MCCC2: variants seen among roughly 807,000 people sequenced by gnomAD.
MCCC2 encodes methylcrotonyl-CoA carboxylase subunit 2, also known as methylcrotonoyl-CoA carboxylase beta chain, mitochondrial.
A neutral mutation model predicts 77.2 loss-of-function variants in MCCC2; 52 were observed. That is an observed-to-expected ratio of 0.67 (90% confidence interval 0.54 to 0.85). The LOEUF (loss-of-function observed/expected upper bound fraction) is 0.85, where lower values mean the gene tolerates loss of function less well. Ranked by LOEUF, MCCC2 falls within the 40% of genes least tolerant of loss-of-function variation. The probability of loss-of-function intolerance (pLI) is 0.00; values close to 1 mark genes in which losing one functional copy is unlikely to be tolerated. For missense variants in MCCC2, 682 were observed against 703.2 expected, an observed-to-expected ratio of 0.97 and a Z score of 0.34; for synonymous variants, 253 against 248.4, an observed-to-expected ratio of 1.02 and a Z score of -0.18.
intron 2 of MCCC2, among the ~76,000 whole-genome samples, chr5:71,593,279 A>G (rs911296392): frequency 7.9e-5 from 12 of 151,970 alleles, no homozygotes; most frequent in Non-Finnish European, 1.6e-4. Context: ...AAATAGAGAC[A>G]AGGTTTCACC....
rs1236685383 is a variant in MCCC2 at position 71,634,597 on chromosome 5, A to G, written c.804-346A>G. On this transcript the variant is annotated intron_variant, in intron 8 of 16. Coordinates refer to ENST00000340941, the MANE Select transcript of MCCC2 (RefSeq NM_022132.5). The stretch of plus-strand genomic sequence containing the variant: ...TCTGCTTACGGTACAGGGGATGAGT[A>G]CTTAATAGAAGCCTTTGTCAGCAAG... Among the ~76,000 whole-genome samples, 10 of 152,224 alleles carry G rather than the reference A, an allele frequency of 6.6e-5. 1 individual carries two copies. Among genetic ancestry groups the G allele is most frequent in the Admixed American group, 6.5e-4 (10 of 15,282 alleles).
intron 12 of MCCC2, among the ~76,000 whole-genome samples, chr5:71,645,543 A>T (rs1261240626): frequency 6.6e-6 from 1 of 152,226 alleles, no homozygotes; most frequent in African/African-American, 2.4e-5. Flanking sequence ...TATAATCCTG[A>T]TGCATTAAAG....
At chr5:71,648,330 A>G (rs987247101) in intron 13 of MCCC2, among the ~76,000 whole-genome samples, 6 of 152,210 alleles carry the variant, frequency 3.9e-5, no homozygotes, top group Admixed American at 3.9e-4. Flanking sequence ...TAAGGCAGAG[A>G]AAGAGGAACC....
intron 7 of MCCC2, among the ~76,000 whole-genome samples, chr5:71,629,735 CATT>C (rs3066461): frequency 0.011 from 1,649 of 147,952 alleles, 26 homozygotes; most frequent in African/African-American, 0.038. Context: ...AGCCTGCAGC[CATT>C]ATTATTATTA....
intron 1 of MCCC2, among the ~76,000 whole-genome samples, chr5:71,589,953 T>C (rs1184612761): frequency 6.6e-6 from 1 of 152,192 alleles, no homozygotes; most frequent in Non-Finnish European, 1.5e-5. Context: ...CTCACCCAGC[T>C]CTACCTAGGT....
At chr5:71,633,118 TATATATATATATATTTTTA>T (rs1561841349) in intron 8 of MCCC2, among the ~76,000 whole-genome samples, 5 of 113,562 alleles carry the variant, frequency 4.4e-5, no homozygotes, top group African/African-American at 1.6e-4. Flanking sequence ...TATATATATA[TATATATATATATATTTTTA>T]TTTTTTGTAG....
At chr5:71,649,048 G>T (rs143245525) in intron 13 of MCCC2, 49 bp from the exon 14 acceptor site, 1 of 1,603,130 alleles carries the variant, frequency 6.2e-7, no homozygotes, top group East Asian at 2.2e-5. Flanking sequence ...ATTGCGTTCC[G>T]CATATTAATC....
chr5:71,615,650 C>T (rs904499637), intron 6 of MCCC2, among the ~76,000 whole-genome samples: 1 of 152,082 alleles, frequency 6.6e-6, no homozygotes, highest in African/African-American at 2.4e-5. Context: ...AGGAACAGAG[C>T]TCCTAAAATC....
At chr5:71,596,127 T>TTGTA (rs1745177042) in intron 2 of MCCC2, 153 bp from the exon 3 acceptor site, 1 of 712,776 alleles carries the variant, frequency 1.4e-6, no homozygotes, top group African/African-American at 1.8e-5. Flanking sequence ...AATTGGCAAC[T>TTGTA]TGTAAGTTGA....
chr5:71,635,157 A>G lies in MCCC2; in HGVS notation c.910A>G (p.Ile304Val), dbSNP rs751728924. The G allele has an allele frequency of 1.2e-6, 2 of 1,614,048 alleles. No homozygotes were observed. The highest frequency in any genetic ancestry group is 1.3e-5 in the African/African-American group (1 of 74,948). Residue 304 changes from isoleucine (I) to valine (V), a missense_variant, in exon 10 of 17, where the codon ATT (isoleucine) becomes GTT (valine). Transcript: ENST00000340941. ...ATGATCTATATTTCTGCAGGTCACC[A>G]TTGAACCTTCTGAAGAGCCTTTATT... ...LNYQKKLDVT[I>V]EPSEEPLFPA...
intron 6 of MCCC2, among the ~76,000 whole-genome samples, chr5:71,610,622 T>G (rs533232020): frequency 5.3e-5 from 8 of 152,222 alleles, no homozygotes; most frequent in Non-Finnish European, 1.2e-4. Flanking sequence ...ACAGAGAGTA[T>G]CTAAAGGTTG....
At chr5:71,637,869 C>T (rs1011715665) in intron 10 of MCCC2, among the ~76,000 whole-genome samples, 4 of 152,194 alleles carry the variant, frequency 2.6e-5, no homozygotes, top group Admixed American at 6.5e-5. Context: ...CCCGCCACTG[C>T]GCCTGGCTAA....
At chr5:71,634,730 G>T (rs929225261) in intron 8 of MCCC2, among the ~76,000 whole-genome samples, 4 of 152,154 alleles carry the variant, frequency 2.6e-5, no homozygotes, top group Admixed American at 6.5e-5. Flanking sequence ...GCGTACTTCA[G>T]CTTTTCCTGT....
At chr5:71,654,058 C>T (rs1377190505) in intron 16 of MCCC2, among the ~76,000 whole-genome samples, 1 of 152,138 alleles carries the variant, frequency 6.6e-6, no homozygotes, top group Non-Finnish European at 1.5e-5. Flanking sequence ...AGTGCAGTGA[C>T]GTGATCTCAG....
In MCCC2 at chr5:71,587,376, C is replaced by A; in HGVS notation, c.-50C>A. 6.6e-7 allele frequency: 1 copy of A among 1,525,890 alleles called. No homozygotes were observed. Among genetic ancestry groups the A allele is most frequent in the Non-Finnish European group, 8.8e-7 (1 of 1,142,358 alleles). The allele number at this position is 1,525,890 out of a possible 1,614,324, so 94.5% of individuals were successfully genotyped here. ...CAGCCAGGGAAGCGGCAGGGGAAAG[C>A]ACCGGCTCCAGGCCAGCGTGGGCCG... On this transcript the variant is annotated 5_prime_UTR_variant, in exon 1 of 17. Transcript: ENST00000340941.
At chr5:71,624,690 TTTC>T (rs1340950127) in intron 6 of MCCC2, among the ~76,000 whole-genome samples, 1,916 of 97,680 alleles carry the variant, frequency 0.02, 43 homozygotes, top group African/African-American at 0.074. Flanking sequence ...GCTTTCTTTC[TTTC>T]TTTTTTTTTT....
chr5:71,656,991 C>A lies in MCCC2; in HGVS notation c.*131C>A. 1.5e-6 allele frequency: 1 copy of A among 689,288 alleles called. No individual in the cohort carries two copies. Among genetic ancestry groups the A allele is most frequent in the South Asian group, 1.6e-5 (1 of 61,516 alleles). 42.7% of individuals were successfully genotyped at this position (689,288 alleles called of 1,614,324 possible). A position where few individuals can be genotyped will look rare whatever the true frequency, so the allele number is the denominator to read the frequency against. On this transcript the variant is annotated 3_prime_UTR_variant, in exon 17 of 17. Coordinates refer to ENST00000340941, the MANE Select transcript of MCCC2 (RefSeq NM_022132.5). Reference sequence around the variant, plus strand: ...TAACACTGTGCATTGTACTTTTCTACCTTAAAAAAATCAGTGAGGATATTT... The same window carrying A: ...TAACACTGTGCATTGTACTTTTCTAACTTAAAAAAATCAGTGAGGATATTT...
chr5:71,656,928 T>C lies in MCCC2; in HGVS notation c.*68T>C, dbSNP rs530224801. ...AACACATGTAGTAGCCTTAAAATTT[T>C]AGACTTCTCGAACATGAGGCTGTTA... On this transcript the variant is annotated 3_prime_UTR_variant, in exon 17 of 17. Coordinates refer to ENST00000340941, the MANE Select transcript of MCCC2 (RefSeq NM_022132.5). 2 of 1,219,926 alleles carry C rather than the reference T, an allele frequency of 1.6e-6. No individual in the cohort carries two copies. Among genetic ancestry groups the C allele is most frequent in the South Asian group, 2.4e-5 (2 of 82,958 alleles). 75.6% of individuals were successfully genotyped at this position (1,219,926 alleles called of 1,614,324 possible). A position where few individuals can be genotyped will look rare whatever the true frequency, so the allele number is the denominator to read the frequency against.
At position 71,635,041 on chromosome 5, in the gene MCCC2, A is replaced by T; in HGVS notation, c.902A>T (p.Asp301Val). The T allele has an allele frequency of 6.2e-7, 1 of 1,613,974 alleles. No individual in the cohort carries two copies. Among genetic ancestry groups the T allele is most frequent in the Non-Finnish European group, 8.5e-7 (1 of 1,179,878 alleles). ...VRNLNYQKKL[D>V]VTIEPSEEPL... ...AATCTAAATTATCAGAAGAAATTGG[A>T]TGTGAGTACGATATGTTCTTATATC... Residue 301 changes from aspartate (D) to valine (V), a missense_variant and splice_region_variant, in exon 9 of 17, where the codon GAT becomes GTT. By Grantham distance (152) the Asp-to-Val change is radical. Coordinates refer to ENST00000340941, the MANE Select transcript of MCCC2 (RefSeq NM_022132.5).
Sources: allele counts gnomAD v4.1 joint callset (sites outside exome capture counted in the v4.1 genomes callset), GRCh38; gene constraint gnomAD v4.1.1; transcripts MANE v1.5; gene names NCBI Gene and HGNC (gene_info 2026-07-23, HGNC 2026-07-21).